RGS9: variants seen among roughly 807,000 people sequenced by gnomAD.
RGS9 encodes regulator of G protein signaling 9.
Under a neutral mutation model 102.0 loss-of-function variants are expected in RGS9, and 78 were observed. The observed-to-expected ratio is 0.76, with a 90% CI of 0.64 to 0.92. RGS9 has a LOEUF of 0.92. Ranked by LOEUF, RGS9 falls within the 40% of genes least tolerant of loss-of-function variation. The pLI, the probability that RGS9 is intolerant of heterozygous loss-of-function variation, is 0.00. For synonymous variants in RGS9, 353 were observed against 318.6 expected (o/e 1.11, Z -1.15); for missense variants, 833 against 866.1 (o/e 0.96, Z 0.48).
chr17:65,154,787 G>A (rs1910707584), intron 2 of RGS9, among the ~76,000 whole-genome samples: 1 of 152,200 alleles, frequency 6.6e-6, no homozygotes, highest in Admixed American at 6.5e-5. Flanking sequence ...TCATACTTAG[G>A]CGTATTGCCT....
At chr17:65,194,263 G>A (rs1912496760) in intron 12 of RGS9, among the ~76,000 whole-genome samples, 1 of 152,172 alleles carries the variant, frequency 6.6e-6, no homozygotes, top group Non-Finnish European at 1.5e-5. Context: ...TCATCTTCAT[G>A]GTATGGATGC....
chr17:65,200,338 T>C (rs4791218), intron 13 of RGS9, among the ~76,000 whole-genome samples: 30,715 of 152,194 alleles, frequency 0.2, 5,242 homozygotes, highest in African/African-American at 0.44. Context: ...GCCGAAATCT[T>C]CTTCCTTTTT....
At chr17:65,155,918 CAA>C (rs1910750237) in intron 2 of RGS9, among the ~76,000 whole-genome samples, 1 of 152,088 alleles carries the variant, frequency 6.6e-6, no homozygotes, top group South Asian at 2.1e-4. Context: ...TTATGGAGAC[CAA>C]AGAGTTTCAG....
chr17:65,194,246 G>T (rs1912496063), intron 12 of RGS9, among the ~76,000 whole-genome samples: 1 of 152,176 alleles, frequency 6.6e-6, no homozygotes, highest in Admixed American at 6.5e-5. Flanking sequence ...TCCCATTTAT[G>T]GTTGAATCAT....
chr17:65,156,416 C>A (rs564970447), intron 2 of RGS9, among the ~76,000 whole-genome samples: 10 of 152,244 alleles, frequency 6.6e-5, no homozygotes, highest in African/African-American at 2.4e-4. Flanking sequence ...TGGGCGAGGT[C>A]GCCCATCCTG....
chr17:65,166,067 T>C (rs915269374), intron 7 of RGS9, among the ~76,000 whole-genome samples: 2 of 152,166 alleles, frequency 1.3e-5, no homozygotes, highest in African/African-American at 4.8e-5. Flanking sequence ...CTGTGTGGTC[T>C]AGCTTGAGCT....
intron 1 of RGS9, among the ~76,000 whole-genome samples, chr17:65,149,273 C>A (rs1470538484): frequency 3.9e-5 from 6 of 152,152 alleles, no homozygotes; most frequent in Non-Finnish European, 4.4e-5. Flanking sequence ...CGCACCGGGC[C>A]TGATGCTATT....
At chr17:65,168,883 C>T (rs926005206) in intron 8 of RGS9, among the ~76,000 whole-genome samples, 1 of 152,144 alleles carries the variant, frequency 6.6e-6, no homozygotes, top group Non-Finnish European at 1.5e-5. Context: ...CCCAGCTCAT[C>T]ACTGGGAAAT....
At chr17:65,222,573 A>T (rs965461060) in intron 17 of RGS9, among the ~76,000 whole-genome samples, 1 of 152,212 alleles carries the variant, frequency 6.6e-6, no homozygotes, top group African/African-American at 2.4e-5. Context: ...GTTATAGATA[A>T]GCAAAGTACC....
At chr17:65,160,650 G>A (rs1051099941) in intron 5 of RGS9, 63 bp downstream of exon 5, 2 of 1,563,140 alleles carry the variant, frequency 1.3e-6, no homozygotes, top group East Asian at 4.5e-5. Context: ...TTTACTTGCT[G>A]CACTTTGGTG....
chr17:65,200,272 C>T (rs375821427), intron 13 of RGS9, among the ~76,000 whole-genome samples: 19 of 152,210 alleles, frequency 1.2e-4, no homozygotes, highest in Admixed American at 3.9e-4. Flanking sequence ...CCTTGTGATC[C>T]GCCCCCCTCA....
At chr17:65,203,134 C>T (rs529924605) in intron 14 of RGS9, among the ~76,000 whole-genome samples, 1 of 152,222 alleles carries the variant, frequency 6.6e-6, no homozygotes, top group Admixed American at 6.5e-5. Context: ...TGCAACACCC[C>T]GGTTTCCAGA....
rs942635629 is a variant in RGS9 at position 65,170,353 on chromosome 17, G to A, written c.582+2072G>A. Among the ~76,000 whole-genome samples the A allele has an allele frequency of 7.4e-4, 112 of 152,110 alleles. 1 individual carries two copies. Among genetic ancestry groups the A allele is most frequent in the South Asian group, 2.1e-4 (1 of 4,828 alleles). On this transcript the variant is annotated intron_variant, in intron 8 of 18. Coordinates refer to ENST00000262406, the MANE Select transcript of RGS9 (RefSeq NM_003835.4). ...CAGGCGTGAGCCACCGCGCCTGGCC[G>A]CCTTCTGCATTCTTATTGAACCTTT...
At chr17:65,187,980 A>G (rs1168689661) in intron 9 of RGS9, among the ~76,000 whole-genome samples, 1 of 152,140 alleles carries the variant, frequency 6.6e-6, no homozygotes, top group Non-Finnish European at 1.5e-5. Flanking sequence ...GGCAACAGAG[A>G]GAGACTCTGT....
chr17:65,205,642 A>G (rs188063264), intron 15 of RGS9, among the ~76,000 whole-genome samples: 27 of 151,960 alleles, frequency 1.8e-4, no homozygotes, highest in Admixed American at 1.7e-3. Flanking sequence ...AGGCTATCTG[A>G]TATAGGTTAT....
chr17:65,156,417 G>A (rs1375368373), intron 2 of RGS9, among the ~76,000 whole-genome samples: 2 of 152,200 alleles, frequency 1.3e-5, no homozygotes, highest in South Asian at 2.1e-4. Context: ...GGGCGAGGTC[G>A]CCCATCCTGC....
At chr17:65,157,236 T>C (rs1215918856) in intron 2 of RGS9, among the ~76,000 whole-genome samples, 1 of 152,114 alleles carries the variant, frequency 6.6e-6, no homozygotes, top group South Asian at 2.1e-4. Context: ...CAGGCTAAGA[T>C]TGCTGGAAAA....
chr17:65,210,191 G>A (rs569597442), intron 16 of RGS9, among the ~76,000 whole-genome samples: 79 of 152,234 alleles, frequency 5.2e-4, no homozygotes, highest in African/African-American at 1.8e-3. Context: ...GTTACAAAAA[G>A]TTAAGATAAC....
chr17:65,160,375 G>T (rs754336826), intron 4 of RGS9, 36 bp downstream of exon 4: 1 of 1,576,042 alleles, frequency 6.3e-7, no homozygotes, highest in Non-Finnish European at 8.7e-7. Flanking sequence ...GTTCATATGG[G>T]GTTGATCTCA....
Sources: allele counts gnomAD v4.1 joint callset (sites outside exome capture counted in the v4.1 genomes callset), GRCh38; gene constraint gnomAD v4.1.1; transcripts MANE v1.5; gene names NCBI Gene and HGNC (gene_info 2026-07-23, HGNC 2026-07-21).